The following GALNTL6 variants were observed in gnomAD, a reference collection of about 807,000 sequenced individuals.
GALNTL6 encodes polypeptide N-acetylgalactosaminyltransferase-like 6.
In GALNTL6, 46 loss-of-function variants were observed where a neutral mutation model predicts 73.7. That is an observed-to-expected ratio of 0.62 (90% CI 0.49 to 0.80). The LOEUF (loss-of-function observed/expected upper bound fraction) is 0.80. Among genes scored for constraint, GALNTL6 ranks in the 30% least tolerant of loss-of-function variants. GALNTL6 has a pLI of 0.00. For missense variants in GALNTL6, 604 were observed against 755.0 expected (o/e 0.80, Z 2.34); for synonymous variants, 259 against 263.7 (o/e 0.98, Z 0.17).
chr4:171,934,528 G>C (rs1050823427), intron 2 of GALNTL6, among the ~76,000 whole-genome samples: 1 of 151,974 alleles, frequency 6.6e-6, no homozygotes, highest in African/African-American at 2.4e-5. Flanking sequence ...ATTCTCTCAC[G>C]TCAGCCTCCC....
chr4:172,281,459 C>T (rs1452225768), intron 3 of GALNTL6, among the ~76,000 whole-genome samples: 1 of 152,260 alleles, frequency 6.6e-6, no homozygotes, highest in East Asian at 1.9e-4. Flanking sequence ...CTTTGGGAGG[C>T]CAAGGCAGTC....
intron 7 of GALNTL6, among the ~76,000 whole-genome samples, chr4:172,858,997 A>T (rs1234080070): frequency 6.6e-6 from 1 of 152,060 alleles, no homozygotes. Context: ...AGGATTCAAG[A>T]AGATAATGAG....
chr4:172,714,026 G>T (rs1296645637), intron 5 of GALNTL6, among the ~76,000 whole-genome samples: 2 of 152,114 alleles, frequency 1.3e-5, no homozygotes, highest in African/African-American at 4.8e-5. Context: ...AGACCAGCCT[G>T]GTCAACATGG....
chr4:172,457,991 TGG>T (rs1732461997), intron 5 of GALNTL6, among the ~76,000 whole-genome samples: 1 of 151,156 alleles, frequency 6.6e-6, no homozygotes, highest in Non-Finnish European at 1.5e-5. Context: ...TACAAAAGAA[TGG>T]AAATCATAAC....
intron 5 of GALNTL6, among the ~76,000 whole-genome samples, chr4:172,572,390 TA>T (rs1385650411): frequency 6.6e-6 from 1 of 152,142 alleles, no homozygotes; most frequent in Non-Finnish European, 1.5e-5. Context: ...ATCCTATTTT[TA>T]AAAATAAGGA....
At chr4:172,832,137 G>GGCAGGCTCAAAAATTTCTCTCCAAAGAGT (rs1742674578) in intron 7 of GALNTL6, among the ~76,000 whole-genome samples, 1 of 152,092 alleles carries the variant, frequency 6.6e-6, no homozygotes, top group African/African-American at 2.4e-5. Context: ...CTTTACTTCT[G>GGCAGGCTCAAAAATTTCTCTCCAAAGAGT]TGGACCTTGG....
chr4:172,636,659 T>A (rs1253284014), intron 5 of GALNTL6, among the ~76,000 whole-genome samples: 1 of 152,190 alleles, frequency 6.6e-6, no homozygotes, highest in African/African-American at 2.4e-5. Context: ...AGTACAGCCC[T>A]GCTTGCCCAT....
chr4:172,135,170 A>G (rs1364066683), intron 2 of GALNTL6, among the ~76,000 whole-genome samples: 2 of 152,220 alleles, frequency 1.3e-5, no homozygotes, highest in Non-Finnish European at 2.9e-5. Context: ...CTTAAATATT[A>G]TAAGCTATAC....
intron 5 of GALNTL6, among the ~76,000 whole-genome samples, chr4:172,574,759 A>T (rs1168070802): frequency 6.6e-6 from 1 of 152,114 alleles, no homozygotes; most frequent in African/African-American, 2.4e-5. Flanking sequence ...ATAGCTGAAT[A>T]CCAGGGATAA....
chr4:172,096,084 C>CTGTGTGTGTGTGTGTGTGTG (rs138495979), intron 2 of GALNTL6, among the ~76,000 whole-genome samples: 9 of 147,186 alleles, frequency 6.1e-5, no homozygotes, highest in African/African-American at 2.0e-4. Flanking sequence ...CTCTCTCTTT[C>CTGTGTGTGTGTGTGTGTGTG]TGTGTGTGTG....
At chr4:173,038,198 T>G (rs1753770098) in intron 12 of GALNTL6, among the ~76,000 whole-genome samples, 1 of 152,222 alleles carries the variant, frequency 6.6e-6, no homozygotes, top group South Asian at 2.1e-4. Context: ...TTTGAAAAAC[T>G]GACCTAAATG....
rs1264046944 is a variant in GALNTL6, at chr4:172,069,710, A to T, written c.139-159946A>T. On this transcript the variant is annotated intron_variant, in intron 2 of 12. Coordinates refer to ENST00000506823, the MANE Select transcript of GALNTL6 (RefSeq NM_001034845.3). ...ACAAGTAAGCCATAAATGGTGCTAGACACCTCATCCACAAAATTCCACTTA... is the reference window on the plus strand; with the variant it reads ...ACAAGTAAGCCATAAATGGTGCTAGTCACCTCATCCACAAAATTCCACTTA... 2.0e-5 allele frequency among the ~76,000 whole-genome samples: 2 copies of T among 99,552 alleles called. 1 individual carries two copies. The highest frequency in any genetic ancestry group is 2.3e-4 in the Admixed American group (2 of 8,862). The allele number at this position is 99,552 out of a possible 152,430, so 65.3% of individuals were successfully genotyped here. A position where few individuals can be genotyped will look rare whatever the true frequency, so the allele number is the denominator to read the frequency against.
At chr4:172,346,740 AT>A (rs1277049385) in intron 4 of GALNTL6, among the ~76,000 whole-genome samples, 1 of 152,164 alleles carries the variant, frequency 6.6e-6, no homozygotes, top group Non-Finnish European at 1.5e-5. Flanking sequence ...CCTTCAGTAA[AT>A]TACTGTGACA....
At chr4:172,487,241 TTC>T (rs1733703942) in intron 5 of GALNTL6, among the ~76,000 whole-genome samples, 1 of 150,388 alleles carries the variant, frequency 6.6e-6, no homozygotes, top group Non-Finnish European at 1.5e-5. Context: ...CTTCCTGTCT[TTC>T]TTTCTTTCTT....
chr4:172,310,664 G>T (rs1740320997), intron 3 of GALNTL6, among the ~76,000 whole-genome samples: 1 of 151,912 alleles, frequency 6.6e-6, no homozygotes, highest in Non-Finnish European at 1.5e-5. Flanking sequence ...ACATATTCCA[G>T]ATGTTTCAAA....
At chr4:172,160,191 T>G (rs1734409700) in intron 2 of GALNTL6, among the ~76,000 whole-genome samples, 1 of 151,854 alleles carries the variant, frequency 6.6e-6, no homozygotes, top group South Asian at 2.1e-4. Context: ...TGTGTGGCCT[T>G]TGGGAGAGGG....
At chr4:172,242,285 A>T (rs930721408) in intron 3 of GALNTL6, among the ~76,000 whole-genome samples, 1 of 152,058 alleles carries the variant, frequency 6.6e-6, no homozygotes, top group Admixed American at 6.6e-5. Context: ...GTAAAAACAT[A>T]CATGTTAAGT....
At chr4:172,782,826 G>T (rs976129014) in intron 5 of GALNTL6, among the ~76,000 whole-genome samples, 2 of 151,976 alleles carry the variant, frequency 1.3e-5, no homozygotes, top group Non-Finnish European at 2.9e-5. Flanking sequence ...GAGGAAAACT[G>T]TGTGCTTAAT....
At chr4:173,020,876 T>C (rs1185522457) in intron 11 of GALNTL6, among the ~76,000 whole-genome samples, 2 of 152,116 alleles carry the variant, frequency 1.3e-5, no homozygotes, top group Non-Finnish European at 2.9e-5. Flanking sequence ...AGTTTGAGAC[T>C]AGCCTAGCCA....
Sources: gnomAD v4.1 joint callset for allele counts (sites outside exome capture counted in the v4.1 genomes callset) on GRCh38, gnomAD v4.1.1 for gene constraint, MANE v1.5 for transcripts, NCBI Gene and HGNC (gene_info 2026-07-23, HGNC 2026-07-21) for gene names.